BMP5: variants seen among roughly 807,000 people sequenced by gnomAD.
BMP5 encodes bone morphogenetic protein 5.
In BMP5, 23 loss-of-function variants were observed where a neutral mutation model predicts 46.6. The observed-to-expected ratio is 0.49, with a 90% CI of 0.35 to 0.70. The LOEUF (loss-of-function observed/expected upper bound fraction) is 0.70, where lower values mean the gene tolerates loss of function less well. Among genes scored for constraint, BMP5 ranks in the 30% least tolerant of loss-of-function variants. The probability of loss-of-function intolerance (pLI) is 0.00; values close to 1 mark genes in which losing one functional copy is unlikely to be tolerated. For synonymous variants in BMP5, 204 were observed against 191.9 expected, an observed-to-expected ratio of 1.06 and a Z score of -0.52; for missense variants, 545 against 565.6, an observed-to-expected ratio of 0.96 and a Z score of 0.37.
intron 1 of BMP5, among the ~76,000 whole-genome samples, chr6:55,836,148 T>C (rs1776788590): frequency 6.6e-6 from 1 of 152,150 alleles, no homozygotes. Context: ...GATAAACAAT[T>C]ATTTTAATTG....
In BMP5 at chr6:55,813,177, C is replaced by A. The variant is rs1776174695; in HGVS notation, c.683+6478G>T. ...TTGATTTTTTACTCTCTATACCTGG[C>A]AGAAGTTGGGAATGCTATTTTGTAA... On this transcript the variant is annotated intron_variant, in intron 2 of 6. Coordinates refer to ENST00000370830, the MANE Select transcript of BMP5 (RefSeq NM_021073.4). 2.0e-5 allele frequency among the ~76,000 whole-genome samples: 3 copies of A among 152,128 alleles called. No homozygotes were observed. The South Asian group carries it at 6.2e-4, about 32-fold the overall frequency.
intron 1 of BMP5, among the ~76,000 whole-genome samples, chr6:55,855,517 T>G (rs1237388410): frequency 6.6e-6 from 1 of 152,186 alleles, no homozygotes; most frequent in Non-Finnish European, 1.5e-5. Context: ...TTTTCTATTT[T>G]TATTAAGTTT....
intron 1 of BMP5, among the ~76,000 whole-genome samples, chr6:55,861,657 C>T (rs1304485217): frequency 1.3e-5 from 2 of 152,156 alleles, no homozygotes; most frequent in African/African-American, 2.4e-5. Context: ...ATCAAAAGCC[C>T]GTAACAGTTG....
rs1400085052 is a variant in BMP5 at position 55,875,583 on chromosome 6, T to A, written c.-718A>T. ...ATACCAGCCCTCTTCAAGAGAGATCTAAAGAGTAGTGTAAGCACAACCCTG... is the reference window on the plus strand; with the variant it reads ...ATACCAGCCCTCTTCAAGAGAGATCAAAAGAGTAGTGTAAGCACAACCCTG... On this transcript the variant is annotated 5_prime_UTR_variant, in exon 1 of 7. Coordinates refer to ENST00000370830, the MANE Select transcript of BMP5 (RefSeq NM_021073.4). The A allele has an allele frequency of 6.6e-6, 1 of 152,174 alleles. No individual in the cohort carries two copies. The highest frequency in any genetic ancestry group is 1.5e-5 in the Non-Finnish European group (1 of 68,068). The allele number at this position is 152,174 out of a possible 1,614,324, so 9.4% of individuals were successfully genotyped here.
At chr6:55,862,796 T>A (rs1490193046) in intron 1 of BMP5, among the ~76,000 whole-genome samples, 1 of 152,180 alleles carries the variant, frequency 6.6e-6, no homozygotes, top group African/African-American at 2.4e-5. Context: ...TCTAACAGAC[T>A]CTCCAAGCTT....
At position 55,816,140 on chromosome 6, in the gene BMP5, A is replaced by G. The variant is rs113314660; in HGVS notation, c.683+3515T>C. On this transcript the variant is annotated intron_variant, in intron 2 of 6. Transcript: ENST00000370830. ...ATAACCAACTATAAACTCAACATAC[A>G]TAAAATATATATAACTGACAAAAAA... Among the ~76,000 whole-genome samples, 1,337 of 152,234 alleles carry G rather than the reference A, an allele frequency of 8.8e-3. 24 individuals are homozygous for G. Among genetic ancestry groups the G allele is most frequent in the African/African-American group, 0.031 (1,287 of 41,560 alleles).
At chr6:55,784,010 GT>G (rs1582061912) in intron 3 of BMP5, among the ~76,000 whole-genome samples, 2 of 151,780 alleles carry the variant, frequency 1.3e-5, no homozygotes, top group African/African-American at 2.4e-5. Context: ...TTTCATATAT[GT>G]TTTTTAGTTG....
In BMP5 at chr6:55,863,240, G is replaced by A. The variant is rs143146942; in HGVS notation, c.490+11136C>T. Reference sequence around the variant, plus strand: ...GGTAATTTAGATCAAACCACATAACGTATATAAAGATGCTTTTAAAAAATA... The same window carrying A: ...GGTAATTTAGATCAAACCACATAACATATATAAAGATGCTTTTAAAAAATA... On this transcript the variant is annotated intron_variant, in intron 1 of 6. Transcript: ENST00000370830. 7.2e-5 allele frequency among the ~76,000 whole-genome samples: 11 copies of A among 152,212 alleles called. No individual in the cohort carries two copies. In the East Asian group the frequency reaches 7.7e-4, roughly 11 times the overall value.
intron 3 of BMP5, among the ~76,000 whole-genome samples, chr6:55,777,730 T>C (rs1775210554): frequency 6.6e-6 from 1 of 151,866 alleles, no homozygotes; most frequent in African/African-American, 2.4e-5. Context: ...TGCAGTGATA[T>C]TTTTTTAAGT....
At chr6:55,782,740 A>G (rs1775354659) in intron 3 of BMP5, among the ~76,000 whole-genome samples, 1 of 152,136 alleles carries the variant, frequency 6.6e-6, no homozygotes. Context: ...GGGAATTGAA[A>G]AAGCCAATTC....
At chr6:55,844,482 T>C (rs1777049324) in intron 1 of BMP5, among the ~76,000 whole-genome samples, 1 of 152,010 alleles carries the variant, frequency 6.6e-6, no homozygotes, top group African/African-American at 2.4e-5. Flanking sequence ...TTTAATGTTA[T>C]ATATTTAACT....
At chr6:55,860,610 A>G (rs968218589) in intron 1 of BMP5, among the ~76,000 whole-genome samples, 6 of 152,188 alleles carry the variant, frequency 3.9e-5, no homozygotes, top group African/African-American at 1.4e-4. Flanking sequence ...GAGAAACAAA[A>G]TAGAATTTTT....
At position 55,849,107 on chromosome 6, in the gene BMP5, T is replaced by A. The variant is rs534730475; in HGVS notation, c.490+25269A>T. ...GCATTTTTTTCTTCTTGAAGCTAAA[T>A]GGTCCATCATTTATTCTTTCAATCA... On this transcript the variant is annotated intron_variant, in intron 1 of 6. Coordinates refer to ENST00000370830, the MANE Select transcript of BMP5 (RefSeq NM_021073.4). 2.0e-5 allele frequency among the ~76,000 whole-genome samples: 3 copies of A among 152,146 alleles called. No individual in the cohort carries two copies. The South Asian group carries it at 6.2e-4, about 32-fold the overall frequency.
chr6:55,760,335 C>T, intron 5 of BMP5, 122 bp downstream of exon 5: 2 of 849,920 alleles, frequency 2.4e-6, no homozygotes, highest in South Asian at 1.4e-5. Flanking sequence ...AAGCCATATT[C>T]TAAATGGTCA....
At chr6:55,853,495 C>G (rs1187653794) in intron 1 of BMP5, among the ~76,000 whole-genome samples, 1 of 152,094 alleles carries the variant, frequency 6.6e-6, no homozygotes, top group Non-Finnish European at 1.5e-5. Context: ...AAAAGATTCA[C>G]TTTCTGTAGA....
chr6:55,867,954 G>T (rs975668770), intron 1 of BMP5, among the ~76,000 whole-genome samples: 16 of 152,104 alleles, frequency 1.1e-4, no homozygotes, highest in African/African-American at 3.9e-4. Context: ...AGAAAAGAAA[G>T]CAACTAAATT....
At chr6:55,819,980 A>G (rs1776369908) in intron 1 of BMP5, 133 bp from the exon 2 acceptor site, 1 of 764,746 alleles carries the variant, frequency 1.3e-6, no homozygotes, top group Admixed American at 2.7e-5. Flanking sequence ...CCCTAAAACC[A>G]CAAACTGAAA....
At chr6:55,777,729 A>AT (rs1252922969) in intron 3 of BMP5, among the ~76,000 whole-genome samples, 2 of 151,842 alleles carry the variant, frequency 1.3e-5, no homozygotes, top group Admixed American at 6.6e-5. Flanking sequence ...CTGCAGTGAT[A>AT]TTTTTTTAAG....
intron 3 of BMP5, among the ~76,000 whole-genome samples, chr6:55,792,946 C>G (rs1775610039): frequency 6.6e-6 from 1 of 152,100 alleles, no homozygotes; most frequent in African/African-American, 2.4e-5. Context: ...AAATTATCCT[C>G]CCTGTCCCTG....
Sources: allele counts gnomAD v4.1 joint callset (sites outside exome capture counted in the v4.1 genomes callset), GRCh38; gene constraint gnomAD v4.1.1; transcripts MANE v1.5; gene names NCBI Gene and HGNC (gene_info 2026-07-23, HGNC 2026-07-21).